PARD3: variants seen among roughly 807,000 people sequenced by gnomAD.
PARD3 encodes par-3 family cell polarity regulator.
Under a neutral mutation model 155.4 loss-of-function variants are expected in PARD3, and 75 were observed. The observed-to-expected ratio is 0.48, with a 90% CI of 0.40 to 0.58. The LOEUF is 0.58. Among genes scored for constraint, PARD3 ranks in the 20% least tolerant of loss-of-function variants. PARD3 has a pLI of 0.00. For missense variants in PARD3, 1,642 were observed against 1,721.7 expected (o/e 0.95, Z 0.82); for synonymous variants, 576 against 610.5 (o/e 0.94, Z 0.83).
At chr10:34,116,933 G>T (rs994886378) in intron 24 of PARD3, among the ~76,000 whole-genome samples, 2 of 152,138 alleles carry the variant, frequency 1.3e-5, no homozygotes, top group Admixed American at 6.5e-5. Flanking sequence ...AAGAGATGTC[G>T]GGGCTCAGAG....
intron 23 of PARD3, 42 bp from the exon 24 acceptor site, chr10:34,119,782 C>T (rs764707601): frequency 6.5e-7 from 1 of 1,541,784 alleles, no homozygotes; most frequent in Admixed American, 1.8e-5. Context: ...CCAGAAAGTT[C>T]TGTACAGATC....
chr10:34,524,191 A>G (rs2082328269), intron 2 of PARD3, among the ~76,000 whole-genome samples: 1 of 152,208 alleles, frequency 6.6e-6, no homozygotes. Flanking sequence ...TTTCCAGCAA[A>G]ATATCATGCA....
Position 34,778,290 on chromosome 10 carries a change from G to C in PARD3, c.120+36586C>G, listed in dbSNP as rs189287502. On this transcript the variant is annotated intron_variant, in intron 1 of 24. Transcript: ENST00000374788. Reference sequence around the variant, plus strand: ...CAGGGGAAATAGGGAGGAAGGTTGCGGTCTGCTGGATTCTAAATCCCTCGG... The same window carrying C: ...CAGGGGAAATAGGGAGGAAGGTTGCCGTCTGCTGGATTCTAAATCCCTCGG... 2.6e-5 allele frequency among the ~76,000 whole-genome samples: 4 copies of C among 152,208 alleles called. No homozygotes were observed. In the East Asian group the frequency reaches 7.7e-4, roughly 29 times the overall value.
intron 22 of PARD3, among the ~76,000 whole-genome samples, chr10:34,254,478 G>C (rs1474091791): frequency 6.6e-6 from 1 of 152,052 alleles, no homozygotes; most frequent in Non-Finnish European, 1.5e-5. Flanking sequence ...CATTGTAATT[G>C]TGTAATCAAC....
chr10:34,704,192 A>G (rs2094328767), intron 1 of PARD3, among the ~76,000 whole-genome samples: 1 of 152,216 alleles, frequency 6.6e-6, no homozygotes, highest in Non-Finnish European at 1.5e-5. Flanking sequence ...AGCAAGACAC[A>G]ATTTTAACAA....
intron 2 of PARD3, among the ~76,000 whole-genome samples, chr10:34,653,315 C>T (rs1474688808): frequency 6.6e-6 from 1 of 152,162 alleles, no homozygotes; most frequent in Non-Finnish European, 1.5e-5. Flanking sequence ...CCCTGACTCA[C>T]ATCATGCTCT....
At chr10:34,607,855 G>C (rs2090589089) in intron 2 of PARD3, among the ~76,000 whole-genome samples, 1 of 152,184 alleles carries the variant, frequency 6.6e-6, no homozygotes, top group Admixed American at 6.5e-5. Context: ...CCTAACATCA[G>C]ATCAGAGCAG....
At chr10:34,258,796 T>A (rs780456797) in intron 22 of PARD3, among the ~76,000 whole-genome samples, 11 of 152,056 alleles carry the variant, frequency 7.2e-5, no homozygotes, top group Non-Finnish European at 1.2e-4. Flanking sequence ...GTGGCTCACA[T>A]CTACAATCTC....
At chr10:34,370,586 G>A (rs570969982) in intron 12 of PARD3, among the ~76,000 whole-genome samples, 40 of 152,060 alleles carry the variant, frequency 2.6e-4, no homozygotes, top group Non-Finnish European at 5.1e-4. Flanking sequence ...TGTTTCGAAA[G>A]AACATCCCTA....
chr10:34,290,368 A>G (rs1371435100), intron 20 of PARD3, among the ~76,000 whole-genome samples: 1 of 152,188 alleles, frequency 6.6e-6, no homozygotes, highest in African/African-American at 2.4e-5. Context: ...AAAACACCCC[A>G]CTGAAATGTC....
chr10:34,579,261 C>T (rs1476778523), intron 2 of PARD3, among the ~76,000 whole-genome samples: 2 of 137,130 alleles, frequency 1.5e-5, no homozygotes, highest in African/African-American at 6.0e-5. Context: ...CAGAGTGAGA[C>T]TGGTCTCAAA....
chr10:34,425,209 C>A (rs2075534511), intron 5 of PARD3, among the ~76,000 whole-genome samples: 2 of 152,076 alleles, frequency 1.3e-5, no homozygotes, highest in Non-Finnish European at 2.9e-5. Context: ...CTTCTCAAAT[C>A]CATTTTCATT....
At chr10:34,717,977 A>T (rs2133699565) in intron 1 of PARD3, among the ~76,000 whole-genome samples, 1 of 151,786 alleles carries the variant, frequency 6.6e-6, no homozygotes, top group South Asian at 2.1e-4. Flanking sequence ...AACATGGTAA[A>T]GCCCTGTCTC....
intron 1 of PARD3, among the ~76,000 whole-genome samples, chr10:34,764,996 A>C (rs1265029982): frequency 6.6e-6 from 1 of 152,200 alleles, no homozygotes; most frequent in African/African-American, 2.4e-5. Context: ...CATCCTTCTC[A>C]GTGCCACCCA....
chr10:34,520,231 T>C (rs1046764404), intron 2 of PARD3, among the ~76,000 whole-genome samples: 9 of 152,188 alleles, frequency 5.9e-5, no homozygotes, highest in East Asian at 3.9e-4. Context: ...AAGAAAACCA[T>C]TGTACAGTCA....
At chr10:34,211,862 A>T (rs1268256181) in intron 22 of PARD3, among the ~76,000 whole-genome samples, 1 of 152,016 alleles carries the variant, frequency 6.6e-6, no homozygotes, top group East Asian at 1.9e-4. Flanking sequence ...GTCTGTGAGC[A>T]TATCAGTATC....
intron 2 of PARD3, among the ~76,000 whole-genome samples, chr10:34,540,737 A>C (rs1297442959): frequency 6.6e-6 from 1 of 152,064 alleles, no homozygotes; most frequent in African/African-American, 2.4e-5. Flanking sequence ...AGCCATGACC[A>C]TGCCACTGTG....
At chr10:34,366,445 G>A (rs1162953064) in intron 12 of PARD3, among the ~76,000 whole-genome samples, 2 of 151,976 alleles carry the variant, frequency 1.3e-5, no homozygotes, top group Non-Finnish European at 2.9e-5. Context: ...AAATTTATGG[G>A]GAAGTAACCC....
At chr10:34,642,081 G>A (rs1325915256) in intron 2 of PARD3, among the ~76,000 whole-genome samples, 3 of 151,938 alleles carry the variant, frequency 2.0e-5, no homozygotes, top group African/African-American at 7.3e-5. Flanking sequence ...CTCACCTGGG[G>A]CCCCTCGCCC....
Sources: gnomAD v4.1 joint callset for allele counts (sites outside exome capture counted in the v4.1 genomes callset) on GRCh38, gnomAD v4.1.1 for gene constraint, MANE v1.5 for transcripts, NCBI Gene and HGNC (gene_info 2026-07-23, HGNC 2026-07-21) for gene names.